GRID1: variants seen among roughly 807,000 people sequenced by gnomAD.
GRID1 encodes the protein glutamate receptor ionotropic, delta-1.
In GRID1, 28 loss-of-function variants were observed where a neutral mutation model predicts 98.0. That is an observed-to-expected ratio of 0.29 (90% CI 0.21 to 0.39). The LOEUF (loss-of-function observed/expected upper bound fraction) is 0.39, where lower values mean the gene tolerates loss of function less well. GRID1 is among the 10% of genes least tolerant of loss of function. The pLI is 1.00. For missense variants in GRID1, 1,111 were observed against 1,340.5 expected, an observed-to-expected ratio of 0.83 and a Z score of 2.67; for synonymous variants, 553 against 538.5, an observed-to-expected ratio of 1.03 and a Z score of -0.37.
At chr10:85,936,277 C>T (rs1328578404) in intron 4 of GRID1, among the ~76,000 whole-genome samples, 1 of 152,228 alleles carries the variant, frequency 6.6e-6, no homozygotes, top group Non-Finnish European at 1.5e-5. Flanking sequence ...CAAGTCAAAT[C>T]CCTGGGAAGC....
rs1401792222 is a variant in GRID1, at chr10:86,066,218, C to T, written c.726+72601G>A. Among the ~76,000 whole-genome samples, 3 of 152,306 alleles carry T rather than the reference C, an allele frequency of 2.0e-5. No individual in the cohort carries two copies. In the East Asian group the frequency reaches 5.8e-4, roughly 29 times the overall value. ...ATCACATCCCCCAGCCCGGCAGCCC[C>T]TTCCCAGAGAGACGAATTCAGGGAT... On this transcript the variant is annotated intron_variant, in intron 4 of 15. Coordinates refer to ENST00000327946, the MANE Select transcript of GRID1 (RefSeq NM_017551.3).
chr10:86,165,307 T>A (rs555262444), intron 3 of GRID1, among the ~76,000 whole-genome samples: 2 of 152,228 alleles, frequency 1.3e-5, no homozygotes, highest in Admixed American at 1.3e-4. Context: ...TGTCAAAGCA[T>A]CTGCAAGTTT....
intron 8 of GRID1, among the ~76,000 whole-genome samples, chr10:85,796,193 A>G (rs970274977): frequency 6.6e-6 from 1 of 152,260 alleles, no homozygotes; most frequent in Non-Finnish European, 1.5e-5. Flanking sequence ...AAACTAATGC[A>G]CAAACCAGAA....
At chr10:85,933,299 A>T (rs532595164) in intron 4 of GRID1, among the ~76,000 whole-genome samples, 162 of 148,870 alleles carry the variant, frequency 1.1e-3, no homozygotes, top group African/African-American at 3.8e-3. Flanking sequence ...AAAAAAAAAA[A>T]AAAAAAAAAA....
intron 4 of GRID1, among the ~76,000 whole-genome samples, chr10:86,112,107 G>A (rs1471477980): frequency 6.6e-6 from 1 of 152,172 alleles, no homozygotes; most frequent in Non-Finnish European, 1.5e-5. Context: ...CAACACAGGA[G>A]TTGTCCAAGT....
intron 4 of GRID1, among the ~76,000 whole-genome samples, chr10:86,073,359 T>TG (rs1209067426): frequency 6.6e-6 from 1 of 152,182 alleles, no homozygotes; most frequent in East Asian, 1.9e-4. Flanking sequence ...TGTTACACAC[T>TG]GGGGTAGGGT....
chr10:86,173,904 C>T (rs917190896), intron 3 of GRID1, among the ~76,000 whole-genome samples: 2 of 151,962 alleles, frequency 1.3e-5, no homozygotes, highest in Admixed American at 6.6e-5. Context: ...AGGACATGAA[C>T]TCATCATTTT....
At chr10:85,959,810 G>A (rs1658158018) in intron 4 of GRID1, among the ~76,000 whole-genome samples, 1 of 151,664 alleles carries the variant, frequency 6.6e-6, no homozygotes. Context: ...TCAGTTTTTT[G>A]CTTTTTCGAT....
intron 13 of GRID1, chr10:85,646,919 C>T (rs1328001690): frequency 1.7e-5 from 8 of 459,244 alleles, no homozygotes; most frequent in Non-Finnish European, 2.8e-5. Flanking sequence ...ACAGGCCTCT[C>T]TGTGTCACCC....
chr10:86,292,370 C>T (rs1289835704), intron 2 of GRID1, among the ~76,000 whole-genome samples: 1 of 152,238 alleles, frequency 6.6e-6, no homozygotes, highest in East Asian at 1.9e-4. Context: ...GTGACATTTC[C>T]CTGTTGGGAA....
intron 12 of GRID1, chr10:85,647,709 A>C (rs921985603): frequency 3.5e-6 from 1 of 285,408 alleles, no homozygotes; most frequent in Admixed American, 4.5e-5. Context: ...CAAGGAGTTT[A>C]TAGTCCAGCT....
rs1564668596 is a variant in GRID1, at chr10:86,080,389, A to AAGGGAAGGGG, written c.726+58429_726+58430insCCCCTTCCCT. 3.2e-3 allele frequency among the ~76,000 whole-genome samples: 77 copies of AAGGGAAGGGG among 23,876 alleles called. 1 individual carries two copies. The highest frequency in any genetic ancestry group is 0.011 in the African/African-American group (75 of 6,694). The allele number at this position is 23,876 out of a possible 152,430, so 15.7% of individuals were successfully genotyped here. On this transcript the variant is annotated intron_variant, in intron 4 of 15. Transcript: ENST00000327946. ...GAGAGAGAAAAAGGAAAGGAAAGGG[A>AAGGGAAGGGG]AGGGAAGGGAAGGGAAGGGAAGGGG...
intron 4 of GRID1, among the ~76,000 whole-genome samples, chr10:86,078,422 CACAG>C (rs1192501271): frequency 6.6e-6 from 1 of 152,190 alleles, no homozygotes; most frequent in Admixed American, 6.5e-5. Context: ...CTGCCCTGGG[CACAG>C]ACAGTGGGTG....
intron 4 of GRID1, among the ~76,000 whole-genome samples, chr10:86,137,541 G>A (rs1844946672): frequency 6.6e-6 from 1 of 152,222 alleles, no homozygotes. Context: ...GAATCCAGCT[G>A]GGGAAATACT....
intron 8 of GRID1, among the ~76,000 whole-genome samples, chr10:85,783,346 G>A (rs899471835): frequency 1.3e-5 from 2 of 152,142 alleles, no homozygotes; most frequent in Non-Finnish European, 2.9e-5. Flanking sequence ...GGCATCTGAA[G>A]GCGCTACTCT....
chr10:85,756,058 C>T (rs762278665), intron 8 of GRID1, among the ~76,000 whole-genome samples: 44 of 151,586 alleles, frequency 2.9e-4, no homozygotes, highest in Non-Finnish European at 4.6e-4. Flanking sequence ...GAGGGGGATA[C>T]ATTATGTTCC....
Position 85,854,597 on chromosome 10 carries a change from T to G in GRID1, c.1132A>C (p.Thr378Pro). ...TCCTCCCGAAACTCCATCACCCCAG[T>G]GAGGCCAGTGATGTGGCCCTGCAGA... ...TIKKGHITGL[T>P]GVMEFREDSS... The change falls in exon 8 of 16, where the codon ACT becomes CCT. Residue 378 changes from threonine (T) to proline (P), a missense_variant. Physicochemically the swap from Thr to Pro is conservative, Grantham distance 38. Transcript: ENST00000327946. 6.2e-7 allele frequency: 1 copy of G among 1,614,080 alleles called. No homozygotes were observed. Among genetic ancestry groups the G allele is most frequent in the Non-Finnish European group, 8.5e-7 (1 of 1,179,946 alleles).
chr10:85,792,173 A>G (rs949749023), intron 8 of GRID1, among the ~76,000 whole-genome samples: 2 of 152,128 alleles, frequency 1.3e-5, no homozygotes, highest in Non-Finnish European at 2.9e-5. Flanking sequence ...CATCATCTAC[A>G]CCATTGAAGG....
At chr10:86,158,322 C>T (rs1450248192) in intron 3 of GRID1, among the ~76,000 whole-genome samples, 1 of 152,220 alleles carries the variant, frequency 6.6e-6, no homozygotes, top group Non-Finnish European at 1.5e-5. Context: ...AATGTATCTC[C>T]ATTACAGGGC....
Sources: allele counts gnomAD v4.1 joint callset (sites outside exome capture counted in the v4.1 genomes callset), GRCh38; gene constraint gnomAD v4.1.1; transcripts MANE v1.5; gene names NCBI Gene and HGNC (gene_info 2026-07-23, HGNC 2026-07-21).